The following PKHD1L1 variants were observed in gnomAD, a reference collection of about 807,000 sequenced individuals.
PKHD1L1 encodes PKHD1 like 1.
A neutral mutation model predicts 462.9 loss-of-function variants in PKHD1L1; 434 were observed. The ratio of observed to expected loss-of-function variants is 0.94; its 90% CI spans 0.87 to 1.02. The LOEUF is 1.02. PKHD1L1 is among the 50% of genes least tolerant of loss of function. PKHD1L1 has a pLI of 0.00. For synonymous variants in PKHD1L1, 1,781 were observed against 1,750.0 expected (o/e 1.02, Z -0.44); for missense variants, 5,202 against 5,096.1 (o/e 1.02, Z -0.63).
At chr8:109,493,501 A>T (rs951509965) in intron 62 of PKHD1L1, among the ~76,000 whole-genome samples, 160 bp from the exon 63 acceptor site, 1 of 151,812 alleles carries the variant, frequency 6.6e-6, no homozygotes, top group Non-Finnish European at 1.5e-5. Context: ...CATCATTTGT[A>T]ATTAAGTTTG....
At chr8:109,523,171 T>C (rs1820639946) in intron 75 of PKHD1L1, 62 bp from the exon 76 acceptor site, 1 of 1,436,060 alleles carries the variant, frequency 7.0e-7, no homozygotes. Flanking sequence ...GTTTTGCATA[T>C]ATTTTTAAAA....
chr8:109,505,384 A>AT (rs2130968629), intron 68 of PKHD1L1, among the ~76,000 whole-genome samples: 2 of 152,296 alleles, frequency 1.3e-5, no homozygotes, highest in East Asian at 3.9e-4. Flanking sequence ...TAGAACAATG[A>AT]TTTTCTGATC....
chr8:109,427,212 A>T, intron 25 of PKHD1L1, 56 bp downstream of exon 25: 3 of 1,326,846 alleles, frequency 2.3e-6, no homozygotes, highest in Non-Finnish European at 3.2e-6. Context: ...GCTTATTTGG[A>T]CCCTGCCTTA....
intron 42 of PKHD1L1, 78 bp downstream of exon 42, chr8:109,452,358 GT>G: frequency 7.7e-7 from 1 of 1,291,760 alleles, no homozygotes; most frequent in Non-Finnish European, 1.0e-6. Flanking sequence ...GGTAATTGTT[GT>G]TTTACTTTAA....
intron 2 of PKHD1L1, among the ~76,000 whole-genome samples, chr8:109,371,073 C>T (rs1053540594): frequency 2.4e-4 from 37 of 152,194 alleles, no homozygotes; most frequent in Non-Finnish European, 4.6e-4. Flanking sequence ...CCTGAGGAAT[C>T]GCCACACTGA....
At chr8:109,449,200 CA>C in intron 39 of PKHD1L1, 137 bp from the exon 40 acceptor site, 1 of 723,212 alleles carries the variant, frequency 1.4e-6, no homozygotes. Flanking sequence ...TAGAATAATG[CA>C]CTATAATTTC....
At chr8:109,369,552 G>A (rs1052604023) in intron 2 of PKHD1L1, among the ~76,000 whole-genome samples, 1 of 151,708 alleles carries the variant, frequency 6.6e-6, no homozygotes, top group African/African-American at 2.4e-5. Context: ...TTTCAGAATG[G>A]TTGTTGTCTT....
chr8:109,451,926 CTTAACCTCTTTGTTTACTTT>C (rs1816540132), intron 41 of PKHD1L1, among the ~76,000 whole-genome samples, 178 bp from the exon 42 acceptor site: 1 of 152,072 alleles, frequency 6.6e-6, no homozygotes, highest in Non-Finnish European at 1.5e-5. Flanking sequence ...TTTCTGGACT[CTTAACCTCTTTGTTTACTTT>C]TTTTCAATAA....
At chr8:109,395,037 G>A (rs926698520) in intron 10 of PKHD1L1, among the ~76,000 whole-genome samples, 2 of 152,166 alleles carry the variant, frequency 1.3e-5, no homozygotes, top group Non-Finnish European at 2.9e-5. Context: ...ACTGACTGGG[G>A]CTGCAGCTGG....
chr8:109,385,400 G>A, intron 5 of PKHD1L1, 137 bp from the exon 6 acceptor site: 1 of 534,274 alleles, frequency 1.9e-6, no homozygotes, highest in South Asian at 2.8e-5. Context: ...TCAGAACAAT[G>A]CTAAACAATA....
chr8:109,445,181 G>A lies in PKHD1L1; in HGVS notation c.5312G>A (p.Gly1771Asp), dbSNP rs770683019. The change falls in exon 38 of 78, where the codon GGT becomes GAT. Residue 1771 changes from glycine to aspartate, a missense_variant. Physicochemically the swap from Gly to Asp is moderately conservative, Grantham distance 94 (BLOSUM62 -1). Transcript: ENST00000378402. ...GTAAAAGTTCTTATTGAAGGAGAAG[G>A]TTTGGGGACTGTTTTGGAGGACATT... ...GSVKVLIEGE[G>D]LGTVLEDIAV... The A allele has an allele frequency of 1.2e-5, 20 of 1,613,844 alleles. No individual in the cohort carries two copies. The highest frequency in any genetic ancestry group is 1.6e-4 in the Middle Eastern group (1 of 6,084).
chr8:109,376,985 A>T (rs1041772864), intron 2 of PKHD1L1, among the ~76,000 whole-genome samples: 1 of 152,202 alleles, frequency 6.6e-6, no homozygotes, highest in Admixed American at 6.5e-5. Context: ...TTGATATCTG[A>T]TGAACATCAG....
chr8:109,523,342 G>C lies in PKHD1L1; in HGVS notation c.12440G>C (p.Ser4147Thr). ...AGTGGAAATACAACAATTCCGTTTAGCAGCTGTTGGGCCAACTACACAGAC... is the reference window on the plus strand; with the variant it reads ...AGTGGAAATACAACAATTCCGTTTACCAGCTGTTGGGCCAACTACACAGAC... ...GLSGNTTIPF[S>T]SCWANYTDLT... Residue 4147 changes from serine (S) to threonine (T), a missense_variant, in exon 76 of 78, where the codon AGC becomes ACC. Coordinates refer to ENST00000378402, the MANE Select transcript of PKHD1L1 (RefSeq NM_177531.6). The C allele has an allele frequency of 6.2e-7, 1 of 1,613,172 alleles. No homozygotes were observed. The highest frequency in any genetic ancestry group is 8.5e-7 in the Non-Finnish European group (1 of 1,179,530).
At chr8:109,448,854 A>T (rs1816319771) in intron 39 of PKHD1L1, among the ~76,000 whole-genome samples, 1 of 152,088 alleles carries the variant, frequency 6.6e-6, no homozygotes, top group African/African-American at 2.4e-5. Context: ...TGATTAATTT[A>T]CTTAAAACTT....
chr8:109,438,566 C>A, intron 31 of PKHD1L1, 110 bp downstream of exon 31: 1 of 987,694 alleles, frequency 1.0e-6, no homozygotes, highest in Non-Finnish European at 1.5e-6. Context: ...AAAGTGAAAC[C>A]AGTTATAGTG....
intron 46 of PKHD1L1, among the ~76,000 whole-genome samples, chr8:109,457,112 A>G (rs1416775012): frequency 6.6e-6 from 1 of 152,176 alleles, no homozygotes; most frequent in Non-Finnish European, 1.5e-5. Context: ...AATTATAGAT[A>G]ATAGTAAAAT....
chr8:109,384,773 A>C (rs1812346387), intron 5 of PKHD1L1, among the ~76,000 whole-genome samples: 1 of 152,084 alleles, frequency 6.6e-6, no homozygotes, highest in Non-Finnish European at 1.5e-5. Context: ...CAGTAGTTTT[A>C]AATTTTTTTC....
At chr8:109,462,182 C>T (rs1168723412) in intron 48 of PKHD1L1, among the ~76,000 whole-genome samples, 3 of 152,156 alleles carry the variant, frequency 2.0e-5, no homozygotes, top group East Asian at 1.9e-4. Context: ...TCCACCTGAT[C>T]CTGTGCCTGA....
intron 77 of PKHD1L1, among the ~76,000 whole-genome samples, chr8:109,529,525 A>C (rs1376297840): frequency 6.6e-6 from 1 of 152,182 alleles, no homozygotes; most frequent in East Asian, 1.9e-4. Flanking sequence ...CATTAAGTGC[A>C]AAAACCTTTA....
Sources: gnomAD v4.1 joint callset for allele counts (sites outside exome capture counted in the v4.1 genomes callset) on GRCh38, gnomAD v4.1.1 for gene constraint, MANE v1.5 for transcripts, NCBI Gene and HGNC (gene_info 2026-07-23, HGNC 2026-07-21) for gene names.